Variants in NBEA observed in about 807,000 individuals in gnomAD.
The protein encoded by NBEA is neurobeachin, also known as lysosomal-trafficking regulator 2.
NBEA carries 44 observed loss-of-function variants against 343.4 expected under a neutral mutation model. The ratio of observed to expected loss-of-function variants is 0.13; its 90% CI spans 0.10 to 0.16. The LOEUF is 0.16. Ranked by LOEUF, NBEA falls within the 10% of genes least tolerant of loss-of-function variation. NBEA has a pLI of 1.00. For missense variants in NBEA, 2,555 were observed against 3,631.3 expected (o/e 0.70, Z 7.62); for synonymous variants, 1,175 against 1,238.7 (o/e 0.95, Z 1.08).
Position 35,469,099 on chromosome 13 carries a change from CAAAAAAA to C in NBEA, c.6449-3286_6449-3280del, listed in dbSNP as rs34222156. On this transcript the variant is annotated intron_variant, in intron 40 of 58. Coordinates refer to ENST00000379939, the MANE Select transcript of NBEA (RefSeq NM_001385012.1). ...TGGGTGACAGAGCAAGACTCTATCTCAAAAAAAAAAAAAAAAAAAAAGAATTTTGTAA... is the reference window on the plus strand; with the variant it reads ...TGGGTGACAGAGCAAGACTCTATCTCAAAAAAAAAAAAAAGAATTTTGTAA... Among the ~76,000 whole-genome samples, 14 of 85,028 alleles carry C rather than the reference CAAAAAAA, an allele frequency of 1.6e-4. No individual in the cohort carries two copies. The East Asian group carries it at 3.9e-3, about 24-fold the overall frequency. The allele number at this position is 85,028 out of a possible 152,430, so 55.8% of individuals were successfully genotyped here.
chr13:35,384,520 T>C (rs993014078), intron 38 of NBEA, among the ~76,000 whole-genome samples: 3 of 146,806 alleles, frequency 2.0e-5, no homozygotes, highest in African/African-American at 7.6e-5. Flanking sequence ...CCTTGAATAA[T>C]CTTTTTTTTT....
intron 48 of NBEA, among the ~76,000 whole-genome samples, chr13:35,623,437 G>T (rs964448442): frequency 2.2e-4 from 34 of 152,078 alleles, no homozygotes; most frequent in African/African-American, 7.5e-4. Context: ...TGTGTAAACT[G>T]TATCTTCTTT....
chr13:35,516,293 G>T (rs2077484841), intron 41 of NBEA, among the ~76,000 whole-genome samples: 1 of 152,068 alleles, frequency 6.6e-6, no homozygotes, highest in South Asian at 2.1e-4. Context: ...CCCATGCAAG[G>T]CTGATAGCCA....
At chr13:35,177,138 CCTT>C (rs1461916592) in intron 28 of NBEA, 35 bp downstream of exon 28, 1 of 1,432,364 alleles carries the variant, frequency 7.0e-7, no homozygotes, top group Non-Finnish European at 9.7e-7. Flanking sequence ...CTGAAATAAA[CCTT>C]CTACTGTCAT....
At chr13:35,112,169 G>A (rs182138677) in intron 13 of NBEA, among the ~76,000 whole-genome samples, 225 of 151,364 alleles carry the variant, frequency 1.5e-3, no homozygotes, top group African/African-American at 5.3e-3. Context: ...CACCTGACTC[G>A]GCCTCCCATT....
intron 13 of NBEA, among the ~76,000 whole-genome samples, chr13:35,115,881 C>T (rs1017933830): frequency 1.3e-5 from 2 of 152,098 alleles, no homozygotes; most frequent in African/African-American, 2.4e-5. Flanking sequence ...CTTACCCTAA[C>T]AATAAAGAAG....
At position 34,970,921 on chromosome 13, in the gene NBEA, G is replaced by A. The variant is rs140240240; in HGVS notation, c.294+27807G>A. On this transcript the variant is annotated intron_variant, in intron 1 of 58. Coordinates refer to ENST00000379939, the MANE Select transcript of NBEA (RefSeq NM_001385012.1). ...TCTGGTTCTGTGAAGAATGTCAATG[G>A]TAGTTTAATGCGAATAGCATTGAAT... Among the ~76,000 whole-genome samples the A allele has an allele frequency of 3.7e-3, 560 of 152,278 alleles. 3 individuals are homozygous for A. Among genetic ancestry groups the A allele is most frequent in the Non-Finnish European group, 6.5e-3 (441 of 68,018 alleles).
intron 30 of NBEA, among the ~76,000 whole-genome samples, chr13:35,184,666 G>A (rs893040465): frequency 6.6e-5 from 10 of 151,982 alleles, no homozygotes; most frequent in Admixed American, 5.9e-4. Flanking sequence ...GGACATTATA[G>A]AAGCCATTAC....
intron 34 of NBEA, among the ~76,000 whole-genome samples, chr13:35,250,491 C>T (rs565338663): frequency 1.3e-5 from 2 of 152,280 alleles, no homozygotes; most frequent in East Asian, 3.9e-4. Flanking sequence ...AACAATTTCA[C>T]TCCCATCCAA....
chr13:35,039,958 G>C (rs1352311910), intron 1 of NBEA, among the ~76,000 whole-genome samples: 4 of 152,090 alleles, frequency 2.6e-5, no homozygotes, highest in African/African-American at 9.7e-5. Flanking sequence ...CTAGAATTTA[G>C]CACTGTTAGT....
At chr13:35,369,093 T>C (rs1044025368) in intron 38 of NBEA, among the ~76,000 whole-genome samples, 1 of 151,512 alleles carries the variant, frequency 6.6e-6, no homozygotes, top group African/African-American at 2.4e-5. Context: ...TTCCTTTTTT[T>C]ATATAGTGAG....
intron 53 of NBEA, among the ~76,000 whole-genome samples, chr13:35,652,529 T>TACTC (rs2084585947): frequency 6.7e-6 from 1 of 148,896 alleles, no homozygotes; most frequent in Admixed American, 6.7e-5. Flanking sequence ...TAGTCCCAGC[T>TACTC]ACTCGGGAGG....
At chr13:35,509,320 G>A (rs2077186221) in intron 41 of NBEA, among the ~76,000 whole-genome samples, 1 of 152,162 alleles carries the variant, frequency 6.6e-6, no homozygotes, top group South Asian at 2.1e-4. Context: ...AAGGCACCAT[G>A]AGTCAGGAGG....
At chr13:35,636,588 G>A (rs898695890) in intron 49 of NBEA, among the ~76,000 whole-genome samples, 1 of 152,002 alleles carries the variant, frequency 6.6e-6, no homozygotes, top group Non-Finnish European at 1.5e-5. Flanking sequence ...CTTCTCTCTC[G>A]TTCCTGCTCC....
intron 36 of NBEA, among the ~76,000 whole-genome samples, chr13:35,319,587 G>C (rs918836855): frequency 3.9e-5 from 6 of 152,114 alleles, no homozygotes; most frequent in African/African-American, 1.5e-4. Context: ...GGGTTGGAGA[G>C]TTCTGTAGAT....
At chr13:35,022,734 A>G (rs2061890838) in intron 1 of NBEA, among the ~76,000 whole-genome samples, 1 of 152,090 alleles carries the variant, frequency 6.6e-6, no homozygotes, top group Non-Finnish European at 1.5e-5. Context: ...TGATGCTAAC[A>G]CTAGCTTTGG....
chr13:35,116,731 T>G (rs757908258), intron 13 of NBEA, among the ~76,000 whole-genome samples: 3 of 152,094 alleles, frequency 2.0e-5, no homozygotes, highest in Non-Finnish European at 2.9e-5. Context: ...TAGCTTCATT[T>G]TTTAAAAGTA....
chr13:35,472,071 G>A (rs1418193633), intron 40 of NBEA, among the ~76,000 whole-genome samples: 2 of 152,110 alleles, frequency 1.3e-5, no homozygotes, highest in Admixed American at 6.5e-5. Context: ...ATACTCAATG[G>A]AGAATTGGGG....
At chr13:35,068,036 C>T (rs575960120) in intron 8 of NBEA, among the ~76,000 whole-genome samples, 6 of 152,124 alleles carry the variant, frequency 3.9e-5, no homozygotes, top group Admixed American at 1.3e-4. Context: ...AGTACATGTC[C>T]GCCTTTATAT....
Sources: gnomAD v4.1 joint callset for allele counts (sites outside exome capture counted in the v4.1 genomes callset) on GRCh38, gnomAD v4.1.1 for gene constraint, MANE v1.5 for transcripts, NCBI Gene and HGNC (gene_info 2026-07-23, HGNC 2026-07-21) for gene names.